The following POLR3K variants were observed in gnomAD, a reference collection of about 807,000 sequenced individuals.
POLR3K encodes RNA polymerase III subunit K, also known as DNA-directed RNA polymerase III subunit RPC10.
POLR3K carries 11 observed loss-of-function variants against 13.5 expected under a neutral mutation model. The observed-to-expected ratio is 0.81, with a 90% confidence interval of 0.51 to 1.35. POLR3K has a LOEUF of 1.35. Among genes scored for constraint, POLR3K ranks in the 40% most tolerant of loss-of-function variants. POLR3K has a pLI of 0.00. For missense variants in POLR3K, 144 were observed against 145.3 expected (o/e 0.99, Z 0.05); for synonymous variants, 56 against 51.5 (o/e 1.09, Z -0.38).
Position 53,557 on chromosome 16 carries a change from G to A in POLR3K, c.30C>T (p.Asn10=), listed in dbSNP as rs199971107. ...GTTGTCCCTCCTCCACGATCAGCCCGTTCCCGCAGCCGGGGCAGAACAGCA... is the reference window on the plus strand; with the variant it reads ...GTTGTCCCTCCTCCACGATCAGCCCATTCCCGCAGCCGGGGCAGAACAGCA... MLLFCPGCG[N]GLIVEEGQRC... is the part of the protein sequence containing the mutation. The change falls in exon 1 of 3, where the codon AAC becomes AAT. Residue 10 remains asparagine, a synonymous_variant. Transcript: ENST00000293860. 156 of 1,612,996 alleles carry A rather than the reference G, an allele frequency of 9.7e-5. No homozygotes were observed. Among genetic ancestry groups the A allele is most frequent in the Non-Finnish European group, 1.2e-4 (139 of 1,179,724 alleles).
rs4984750 is a variant in POLR3K at position 47,541 on chromosome 16, G to A, written c.216C>T (p.Cys72=). ...VDSTAESCPK[C]EHPRAYFMQL... is the part of the protein sequence containing the mutation. Reference sequence around the variant, plus strand: ...GCATGAAGTAAGCACGAGGATGTTCGCATTTGGGACACGACTCTGGCAATG... The same window carrying A: ...GCATGAAGTAAGCACGAGGATGTTCACATTTGGGACACGACTCTGGCAATG... The change falls in exon 3 of 3, where the codon TGC becomes TGT. Residue 72 remains cysteine, a synonymous_variant. Transcript: ENST00000293860. 5.1e-3 allele frequency: 8,174 copies of A among 1,612,696 alleles called. 463 individuals carry two copies. The Admixed American group carries it at 0.11, about 22-fold the overall frequency.
chr16:49,100 C>A (rs975811078), intron 2 of POLR3K, among the ~76,000 whole-genome samples: 3 of 151,230 alleles, frequency 2.0e-5, no homozygotes, highest in African/African-American at 7.3e-5. Context: ...TTGCAGTGAG[C>A]AGAGATCGTG....
chr16:51,139 G>A (rs1897327437), intron 2 of POLR3K, among the ~76,000 whole-genome samples: 1 of 152,122 alleles, frequency 6.6e-6, no homozygotes, highest in African/African-American at 2.4e-5. Flanking sequence ...CAAACAGAAA[G>A]AACATACTTT....
intron 1 of POLR3K, among the ~76,000 whole-genome samples, chr16:52,781 A>C (rs1897351273): frequency 3.9e-5 from 1 of 25,720 alleles, no homozygotes; most frequent in South Asian, 1.0e-3. Context: ...AAAAAAAAAA[A>C]AAAAAAAAAA....
At chr16:51,761 C>CT in intron 1 of POLR3K, 116 bp from the exon 2 acceptor site, 1 of 780,058 alleles carries the variant, frequency 1.3e-6, no homozygotes, top group South Asian at 1.6e-5. Flanking sequence ...TGGCTGACAC[C>CT]TGTAATCCCA....
At position 46,924 on chromosome 16, in the gene POLR3K, C is replaced by T. The variant is rs752929309; in HGVS notation, c.*506G>A. ...GTAAGTATGTAGTCTATTCTGGGAT[C>T]ACTGTGATTTGGGGTTTGCTTTCTA... On this transcript the variant is annotated 3_prime_UTR_variant, in exon 3 of 3. Transcript: ENST00000293860. 3 of 152,074 alleles carry T rather than the reference C, an allele frequency of 2.0e-5. No individual in the cohort carries two copies. The highest frequency in any genetic ancestry group is 2.0e-4 in the Admixed American group (3 of 15,264). 9.4% of individuals were successfully genotyped at this position (152,074 alleles called of 1,614,324 possible).
intron 2 of POLR3K, among the ~76,000 whole-genome samples, chr16:50,509 T>G (rs965136652): frequency 6.6e-6 from 1 of 152,072 alleles, no homozygotes; most frequent in African/African-American, 2.4e-5. Context: ...ACTGGGTAAT[T>G]TATATAGACA....
intron 2 of POLR3K, among the ~76,000 whole-genome samples, chr16:50,867 A>T (rs566169403): frequency 6.6e-6 from 1 of 152,198 alleles, no homozygotes; most frequent in Non-Finnish European, 1.5e-5. Flanking sequence ...GTGGCTGGGG[A>T]TGCCTCAGGA....
intron 1 of POLR3K, chr16:53,274 A>G: frequency 9.4e-7 from 1 of 1,068,342 alleles, no homozygotes; most frequent in Non-Finnish European, 1.3e-6. Flanking sequence ...GCGTGGGAGC[A>G]GGAACCCAAG....
In POLR3K at chr16:47,358, C is replaced by G; in HGVS notation, c.*72G>C. On this transcript the variant is annotated 3_prime_UTR_variant, in exon 3 of 3. Transcript: ENST00000293860. ...GCAAAGACCCTCAGGACACACAACT[C>G]ATACTGCCAGCTAAGCATCTACCCC... 1 of 1,554,320 alleles carries G rather than the reference C, an allele frequency of 6.4e-7. No homozygotes were observed. The highest frequency in any genetic ancestry group is 8.8e-7 in the Non-Finnish European group (1 of 1,141,502).
chr16:49,015 G>A (rs1032599824), intron 2 of POLR3K, among the ~76,000 whole-genome samples: 5 of 152,018 alleles, frequency 3.3e-5, no homozygotes, highest in African/African-American at 9.7e-5. Context: ...AGCCGGGCGT[G>A]GTGGCAGGTG....
chr16:48,039 G>A (rs1271411858), intron 2 of POLR3K, among the ~76,000 whole-genome samples: 4 of 148,306 alleles, frequency 2.7e-5, no homozygotes, highest in Admixed American at 6.7e-5. Flanking sequence ...ACAGTTGCCC[G>A]CCACCACACC....
At chr16:51,767 T>A in intron 1 of POLR3K, 122 bp from the exon 2 acceptor site, 1 of 732,514 alleles carries the variant, frequency 1.4e-6, no homozygotes, top group South Asian at 1.7e-5. Flanking sequence ...ACACCTGTAA[T>A]CCCAGCACTT....
intron 2 of POLR3K, among the ~76,000 whole-genome samples, chr16:50,384 G>A (rs1202421793): frequency 6.6e-6 from 1 of 152,122 alleles, no homozygotes; most frequent in East Asian, 1.9e-4. Context: ...TACCAGACAT[G>A]CAATAAACAT....
chr16:53,410 A>T (rs1897361362), intron 1 of POLR3K, 66 bp downstream of exon 1: 1 of 1,529,230 alleles, frequency 6.5e-7, no homozygotes, highest in Non-Finnish European at 8.8e-7. Flanking sequence ...GCGATGGAGC[A>T]GCAGTCGGAG....
At chr16:51,912 C>G in intron 1 of POLR3K, 1 of 311,600 alleles carries the variant, frequency 3.2e-6, no homozygotes, top group Non-Finnish European at 6.1e-6. Flanking sequence ...CCCAGCTACT[C>G]AGGAGGCTGA....
At chr16:53,389 C>T in intron 1 of POLR3K, 87 bp downstream of exon 1, 15 of 1,491,212 alleles carry the variant, frequency 1.0e-5, no homozygotes, top group Non-Finnish European at 1.3e-5. Flanking sequence ...AGGCAGACGC[C>T]GGGGCTGGCG....
intron 2 of POLR3K, among the ~76,000 whole-genome samples, chr16:50,960 A>G (rs991400874): frequency 2.0e-5 from 3 of 152,220 alleles, no homozygotes; most frequent in Admixed American, 6.5e-5. Context: ...GCAAACGCTT[A>G]TAAAACGATC....
rs144406744 is a variant in POLR3K at position 47,531 on chromosome 16, G to A, written c.226C>T (p.Arg76Cys). The change falls in exon 3 of 3, where the codon CGT becomes TGT. Residue 76 changes from arginine (R) to cysteine (C), a missense_variant. By Grantham distance (180) the Arg-to-Cys change is radical. Transcript: ENST00000293860. Reference sequence around the variant, plus strand: ...GTCTGAAGCTGCATGAAGTAAGCACGAGGATGTTCGCATTTGGGACACGAC... The same window carrying A: ...GTCTGAAGCTGCATGAAGTAAGCACAAGGATGTTCGCATTTGGGACACGAC... ...AESCPKCEHP[R>C]AYFMQLQTRS... 3.8e-5 allele frequency: 62 copies of A among 1,612,936 alleles called. No homozygotes were observed. Among genetic ancestry groups the A allele is most frequent in the South Asian group, 6.6e-5 (6 of 91,066 alleles).
Sources: gnomAD v4.1 joint callset for allele counts (sites outside exome capture counted in the v4.1 genomes callset) on GRCh38, gnomAD v4.1.1 for gene constraint, MANE v1.5 for transcripts, NCBI Gene and HGNC (gene_info 2026-07-23, HGNC 2026-07-21) for gene names.